Variants in SH3GL2 observed in about 807,000 individuals in gnomAD.
SH3GL2 encodes endophilin-A1.
A neutral mutation model predicts 46.0 loss-of-function variants in SH3GL2; 24 were observed. That is an observed-to-expected ratio of 0.52 (90% CI 0.38 to 0.73). The LOEUF (loss-of-function observed/expected upper bound fraction) is 0.73, where lower values mean the gene tolerates loss of function less well. Ranked by LOEUF, SH3GL2 falls within the 30% of genes least tolerant of loss-of-function variation. The pLI, the probability that SH3GL2 is intolerant of heterozygous loss-of-function variation, is 0.00. For synonymous variants in SH3GL2, 196 were observed against 147.1 expected (o/e 1.33, Z -2.40); for missense variants, 413 against 424.2 (o/e 0.97, Z 0.23).
At chr9:17,759,615 A>G (rs1003502307) in intron 2 of SH3GL2, among the ~76,000 whole-genome samples, 1 of 152,162 alleles carries the variant, frequency 6.6e-6, no homozygotes, top group African/African-American at 2.4e-5. Flanking sequence ...AAAGATATTT[A>G]TAGTCCTTAG....
intron 1 of SH3GL2, among the ~76,000 whole-genome samples, chr9:17,706,582 A>G (rs1482153483): frequency 2.0e-5 from 3 of 152,094 alleles, no homozygotes; most frequent in African/African-American, 7.2e-5. Flanking sequence ...TGAATGTTGT[A>G]CGTGTAATCT....
intron 1 of SH3GL2, among the ~76,000 whole-genome samples, chr9:17,732,173 TA>T (rs1231945238): frequency 6.6e-6 from 1 of 152,094 alleles, no homozygotes; most frequent in African/African-American, 2.4e-5. Flanking sequence ...TATTACCCTT[TA>T]AAAAATAACC....
At chr9:17,794,090 G>A (rs1239944539) in intron 8 of SH3GL2, among the ~76,000 whole-genome samples, 1 of 152,176 alleles carries the variant, frequency 6.6e-6, no homozygotes, top group East Asian at 1.9e-4. Context: ...TGTGGCACTG[G>A]GGTTGATATA....
intron 1 of SH3GL2, among the ~76,000 whole-genome samples, chr9:17,580,294 G>T (rs118073773): frequency 0.027 from 4,140 of 152,248 alleles, 74 homozygotes; most frequent in Non-Finnish European, 0.044. Flanking sequence ...TCATAGGTTA[G>T]CCTTAATTAA....
chr9:17,738,663 G>GAC (rs1822434259), intron 1 of SH3GL2, among the ~76,000 whole-genome samples: 1 of 147,436 alleles, frequency 6.8e-6, no homozygotes, highest in Non-Finnish European at 1.5e-5. Flanking sequence ...GAGAGAGAGA[G>GAC]AGAGAGAGAG....
At chr9:17,678,668 G>T (rs1563808638) in intron 1 of SH3GL2, among the ~76,000 whole-genome samples, 1 of 152,136 alleles carries the variant, frequency 6.6e-6, no homozygotes. Flanking sequence ...GTCTTTTGTT[G>T]CCATTGCTTT....
chr9:17,778,104 A>G (rs1823695721), intron 3 of SH3GL2, among the ~76,000 whole-genome samples: 1 of 152,152 alleles, frequency 6.6e-6, no homozygotes, highest in Non-Finnish European at 1.5e-5. Context: ...CATAGCCTCC[A>G]TTTTATTGAA....
intron 1 of SH3GL2, among the ~76,000 whole-genome samples, chr9:17,693,084 G>A (rs1011628718): frequency 6.6e-6 from 1 of 152,140 alleles, no homozygotes; most frequent in Admixed American, 6.6e-5. Context: ...ATATCAAATA[G>A]TGTTTTGGTT....
chr9:17,687,542 A>G (rs752952754), intron 1 of SH3GL2, among the ~76,000 whole-genome samples: 2 of 152,128 alleles, frequency 1.3e-5, no homozygotes, highest in East Asian at 3.9e-4. Context: ...AACATACAGC[A>G]TAGTGGAGTT....
chr9:17,645,697 G>A (rs1306072846), intron 1 of SH3GL2, among the ~76,000 whole-genome samples: 1 of 152,044 alleles, frequency 6.6e-6, no homozygotes, highest in African/African-American at 2.4e-5. Flanking sequence ...TTGAATATTG[G>A]CCCCCACTGT....
At chr9:17,582,774 T>C (rs1293534054) in intron 1 of SH3GL2, among the ~76,000 whole-genome samples, 1 of 152,224 alleles carries the variant, frequency 6.6e-6, no homozygotes, top group African/African-American at 2.4e-5. Flanking sequence ...CCACGAGCTC[T>C]CTGAAGGTAT....
intron 1 of SH3GL2, among the ~76,000 whole-genome samples, chr9:17,677,865 T>G (rs1028041147): frequency 1.3e-5 from 2 of 151,744 alleles, no homozygotes; most frequent in Admixed American, 6.6e-5. Flanking sequence ...CACCTTTGAG[T>G]GAGAAAATGC....
chr9:17,708,863 C>A (rs1051384408), intron 1 of SH3GL2, among the ~76,000 whole-genome samples: 2 of 151,990 alleles, frequency 1.3e-5, no homozygotes, highest in Admixed American at 6.6e-5. Context: ...TACCATCGAT[C>A]TTAGATTTTA....
intron 1 of SH3GL2, among the ~76,000 whole-genome samples, chr9:17,673,736 C>T (rs1381528975): frequency 6.6e-6 from 1 of 152,216 alleles, no homozygotes; most frequent in African/African-American, 2.4e-5. Context: ...CATAATGCTT[C>T]ACACACCCTC....
intron 1 of SH3GL2, among the ~76,000 whole-genome samples, chr9:17,655,264 C>G (rs1177206330): frequency 6.6e-6 from 1 of 152,142 alleles, no homozygotes; most frequent in Non-Finnish European, 1.5e-5. Context: ...TGTAGTACTT[C>G]CTTTCTCAAA....
chr9:17,758,227 T>C (rs901181733), intron 2 of SH3GL2, among the ~76,000 whole-genome samples: 1 of 152,044 alleles, frequency 6.6e-6, no homozygotes, highest in African/African-American at 2.4e-5. Flanking sequence ...CCTGGTCTCT[T>C]CCTCTTATGT....
At chr9:17,610,492 T>G (rs1374446235) in intron 1 of SH3GL2, among the ~76,000 whole-genome samples, 2 of 152,226 alleles carry the variant, frequency 1.3e-5, no homozygotes, top group Non-Finnish European at 2.9e-5. Flanking sequence ...TTTAAGTTGT[T>G]GATACATACT....
chr9:17,722,503 T>A (rs956295135), intron 1 of SH3GL2, among the ~76,000 whole-genome samples: 4 of 147,964 alleles, frequency 2.7e-5, no homozygotes, highest in African/African-American at 7.3e-5. Context: ...TGCAGTAAAA[T>A]TTTTTTTTCT....
intron 1 of SH3GL2, among the ~76,000 whole-genome samples, chr9:17,697,469 A>G (rs1563816901): frequency 6.6e-6 from 1 of 151,922 alleles, no homozygotes; most frequent in Non-Finnish European, 1.5e-5. Flanking sequence ...TGATCCGCCC[A>G]CCTTGGCCTC....
Sources: gnomAD v4.1 joint callset for allele counts (sites outside exome capture counted in the v4.1 genomes callset) on GRCh38, gnomAD v4.1.1 for gene constraint, MANE v1.5 for transcripts, NCBI Gene and HGNC (gene_info 2026-07-23, HGNC 2026-07-21) for gene names.